Variants in ZNF600 observed in about 807,000 individuals in gnomAD.
ZNF600 encodes the protein zinc finger protein 600.
A neutral mutation model predicts 7.3 loss-of-function variants in ZNF600; 4 were observed. The ratio of observed to expected loss-of-function variants is 0.55; its 90% CI spans 0.27 to 1.25. ZNF600 has a LOEUF of 1.25. Among genes scored for constraint, ZNF600 ranks in the 50% most tolerant of loss-of-function variants. ZNF600 has a pLI of 0.12. For synonymous variants in ZNF600, 290 were observed against 308.9 expected, an observed-to-expected ratio of 0.94 and a Z score of 0.64; for missense variants, 911 against 922.1, an observed-to-expected ratio of 0.99 and a Z score of 0.16.
At chr19:52,800,964 G>C in the ZNF600 span, 1 of 1,614,138 alleles carries the variant, frequency 6.2e-7, no homozygotes. Flanking sequence ...TTTGTCTGCA[G>C]TATGAAGCGC....
chr19:52,804,693 C>T, the ZNF600 span, among the ~76,000 whole-genome samples: 1 of 152,008 alleles, frequency 6.6e-6, no homozygotes, highest in African/African-American at 2.4e-5. Context: ...TTAGTAAATT[C>T]GAGGTTTCAC....
At chr19:52,832,265 T>C in the ZNF600 span, among the ~76,000 whole-genome samples, 2 of 152,232 alleles carry the variant, frequency 1.3e-5, no homozygotes, top group South Asian at 4.1e-4. Context: ...ACCACTGATG[T>C]GTATCTTCAC....
the ZNF600 span, among the ~76,000 whole-genome samples, chr19:52,803,300 C>T: frequency 6.6e-6 from 1 of 151,658 alleles, no homozygotes; most frequent in Non-Finnish European, 1.5e-5. Flanking sequence ...AGGCTGGTCT[C>T]GAACTCCTGA....
chr19:52,786,210 C>A (rs890712532), intron 1 of ZNF600, among the ~76,000 whole-genome samples: 40 of 152,284 alleles, frequency 2.6e-4, no homozygotes, highest in African/African-American at 8.2e-4. Flanking sequence ...GCGACCCACC[C>A]CAACCCTGGC....
exon 2 of ZNF600, chr19:52,778,862 C>T: frequency 6.2e-7 from 1 of 1,607,294 alleles, no homozygotes. Context: ...TTCCTTTCCT[C>T]TTCTGAGCTG....
At chr19:52,779,418 A>G (rs1441705094) in intron 1 of ZNF600, among the ~76,000 whole-genome samples, 1 of 152,236 alleles carries the variant, frequency 6.6e-6, no homozygotes, top group Non-Finnish European at 1.5e-5. Flanking sequence ...ATGTGAAGCC[A>G]GGGTTGAGCT....
chr19:52,813,041 G>T, the ZNF600 span, among the ~76,000 whole-genome samples: 1 of 151,730 alleles, frequency 6.6e-6, no homozygotes, highest in African/African-American at 2.4e-5. Context: ...ATTGTGAAAA[G>T]AGAACAATGC....
chr19:52,831,875 C>T, the ZNF600 span, among the ~76,000 whole-genome samples: 1 of 151,832 alleles, frequency 6.6e-6, no homozygotes, highest in Non-Finnish European at 1.5e-5. Context: ...CCTGAGCACC[C>T]GACTCAGCCT....
At chr19:52,786,103 C>A (rs970412741) in intron 1 of ZNF600, among the ~76,000 whole-genome samples, 5 of 152,060 alleles carry the variant, frequency 3.3e-5, no homozygotes, top group African/African-American at 1.2e-4. Context: ...TAATCACAGG[C>A]GGGTTTGGAG....
At chr19:52,765,431 C>T (rs2062560940) in exon 4 of ZNF600, 2 of 1,171,944 alleles carry the variant, frequency 1.7e-6, no homozygotes, top group Non-Finnish European at 1.3e-6. Context: ...TGTAAGGTTT[C>T]TCTCCAGTAT....
chr19:52,799,592 C>T, the ZNF600 span: 2 of 1,595,504 alleles, frequency 1.3e-6, no homozygotes, highest in Admixed American at 1.7e-5. Flanking sequence ...TGTTGCCACA[C>T]TCATTACACT....
the ZNF600 span, among the ~76,000 whole-genome samples, chr19:52,826,705 C>G: frequency 3.3e-5 from 5 of 151,850 alleles, no homozygotes; most frequent in South Asian, 1.0e-3. Flanking sequence ...GGCTCCATCT[C>G]AAAAAACAAA....
Position 52,766,629 on chromosome 19 carries a change from T to C in ZNF600, c.1334A>G (p.His445Arg), listed in dbSNP as rs201861892. ...TTTCTCTCCACCATGAAGTCTATGA[T>C]GGCATACAAGGGATGACTTGTGACT... Residue 445 changes from histidine (H) to arginine (R), a missense_variant, in exon 4 of 4, where the codon CAT (histidine) becomes CGT (arginine). Coordinates refer to ENST00000648973, the Ensembl canonical transcript of ZNF600. 95 of 1,614,082 alleles carry C rather than the reference T, an allele frequency of 5.9e-5. No homozygotes were observed. The highest frequency in any genetic ancestry group is 1.3e-5 in the African/African-American group (1 of 74,938).
the ZNF600 span, among the ~76,000 whole-genome samples, chr19:52,814,105 A>T: frequency 3.4e-5 from 5 of 146,614 alleles, 1 homozygote; most frequent in East Asian, 1.0e-3. Context: ...ACACGTGTAC[A>T]AGACTTGCTC....
upstream of ZNF600, among the ~76,000 whole-genome samples, chr19:52,789,164 G>T (rs35784937): frequency 0.07 from 10,702 of 152,292 alleles, 561 homozygotes; most frequent in South Asian, 0.19. Flanking sequence ...AGGGAAGAAA[G>T]GCTGCTTGTC....
At chr19:52,776,999 A>T (rs10414169) in intron 2 of ZNF600, among the ~76,000 whole-genome samples, 15,559 of 151,752 alleles carry the variant, frequency 0.1, 1,842 homozygotes, top group African/African-American at 0.29. Flanking sequence ...AAAACAAATT[A>T]AAAAATAAAG....
chr19:52,805,346 C>T, the ZNF600 span: 1 of 151,798 alleles, frequency 6.6e-6, no homozygotes, highest in Admixed American at 6.6e-5. Context: ...TTCTCCAGGC[C>T]TGGTGTGGTG....
At chr19:52,832,058 C>T in the ZNF600 span, among the ~76,000 whole-genome samples, 2 of 126,560 alleles carry the variant, frequency 1.6e-5, no homozygotes, top group Non-Finnish European at 3.5e-5. Flanking sequence ...CTTATCCATC[C>T]ACGTATTCAT....
At chr19:52,800,724 C>A in the ZNF600 span, 2 of 1,609,050 alleles carry the variant, frequency 1.2e-6, no homozygotes, top group Non-Finnish European at 1.7e-6. Context: ...ATGAAGCCTA[C>A]GATGGCGTGC....
Sources: gnomAD v4.1 joint callset for allele counts (sites outside exome capture counted in the v4.1 genomes callset) on GRCh38, gnomAD v4.1.1 for gene constraint, MANE v1.5 for transcripts, NCBI Gene and HGNC (gene_info 2026-07-23, HGNC 2026-07-21) for gene names.